Variants in SNED1 observed in about 807,000 individuals in gnomAD.
SNED1 encodes sushi, nidogen and EGF like domains 1, also known as sushi, nidogen and EGF-like domain-containing protein 1.
A neutral mutation model predicts 166.7 loss-of-function variants in SNED1; 81 were observed. The observed-to-expected ratio is 0.49, with a 90% CI of 0.41 to 0.58. The LOEUF is 0.58. SNED1 is among the 20% of genes least tolerant of loss of function. SNED1 has a pLI of 0.00. For synonymous variants in SNED1, 762 were observed against 822.0 expected, an observed-to-expected ratio of 0.93 and a Z score of 1.25; for missense variants, 1,604 against 2,000.2, an observed-to-expected ratio of 0.80 and a Z score of 3.78.
intron 1 of SNED1, among the ~76,000 whole-genome samples, chr2:241,000,060 C>G (rs1164773874): frequency 1.3e-5 from 2 of 152,144 alleles, no homozygotes; most frequent in Non-Finnish European, 2.9e-5. Context: ...GTAACACCAC[C>G]TGTACTGCCA....
At chr2:241,030,099 G>C (rs1261864131) in intron 1 of SNED1, among the ~76,000 whole-genome samples, 185 bp from the exon 2 acceptor site, 1 of 152,214 alleles carries the variant, frequency 6.6e-6, no homozygotes, top group Non-Finnish European at 1.5e-5. Flanking sequence ...TGACAGGAGG[G>C]GGTGGAGCAG....
upstream of SNED1, among the ~76,000 whole-genome samples, chr2:240,997,677 G>A (rs182628932): frequency 4.7e-4 from 72 of 152,286 alleles, no homozygotes; most frequent in Admixed American, 2.7e-3. Context: ...CCATCAGCCC[G>A]GCCTTTCCTG....
chr2:241,026,447 T>C (rs2060973098), intron 1 of SNED1, among the ~76,000 whole-genome samples: 1 of 152,212 alleles, frequency 6.6e-6, no homozygotes, highest in African/African-American at 2.4e-5. Flanking sequence ...GTTGTGCATT[T>C]GTTTGGTCAT....
At chr2:241,085,860 C>CTTTTTTTTTTTT (rs772995766) in intron 29 of SNED1, among the ~76,000 whole-genome samples, 4 of 79,190 alleles carry the variant, frequency 5.1e-5, no homozygotes, top group Non-Finnish European at 4.8e-5. Context: ...TCTGCGGTTT[C>CTTTTTTTTTTTT]TTTTTTTTTT....
chr2:241,048,276 T>A, intron 8 of SNED1, 39 bp from the exon 9 acceptor site: 9 of 1,557,612 alleles, frequency 5.8e-6, no homozygotes, highest in South Asian at 1.2e-5. Flanking sequence ...CTCCCCACAT[T>A]CCCTGCGTGG....
At chr2:241,084,555 C>A (rs1252530599) in intron 29 of SNED1, among the ~76,000 whole-genome samples, 1 of 152,342 alleles carries the variant, frequency 6.6e-6, no homozygotes, top group East Asian at 1.9e-4. Context: ...TGACATCAAG[C>A]TTCCACTTCC....
chr2:241,087,170 T>C (rs747470025), intron 29 of SNED1: 7 of 511,668 alleles, frequency 1.4e-5, no homozygotes, highest in Middle Eastern at 3.3e-4. Context: ...AAAATGGGTT[T>C]ATTTTATGCA....
upstream of SNED1, among the ~76,000 whole-genome samples, chr2:240,998,561 G>GCCCCCC (rs536877002): frequency 6.6e-6 from 1 of 151,718 alleles, no homozygotes; most frequent in African/African-American, 2.4e-5. Context: ...GCATGGCCCC[G>GCCCCCC]CCCCCCCGAG....
intron 27 of SNED1, among the ~76,000 whole-genome samples, chr2:241,077,058 G>A (rs933809068): frequency 1.3e-5 from 2 of 148,638 alleles, no homozygotes; most frequent in East Asian, 2.0e-4. Context: ...CAGCCTGGGC[G>A]ACAGAGCGAG....
intron 1 of SNED1, among the ~76,000 whole-genome samples, chr2:241,017,499 C>T (rs2124878575): frequency 6.6e-6 from 1 of 152,394 alleles, no homozygotes; most frequent in South Asian, 2.1e-4. Context: ...TCTCTGCAAA[C>T]ACAACCCTAA....
chr2:241,021,709 A>G (rs1026691450), intron 1 of SNED1, among the ~76,000 whole-genome samples: 11 of 152,230 alleles, frequency 7.2e-5, no homozygotes, highest in African/African-American at 2.4e-4. Flanking sequence ...TTTTTTGGCT[A>G]TTATGAATAA....
rs1048997739 is a variant in SNED1 at position 241,053,536 on chromosome 2, C to T, written c.2257+210C>T. Among the ~76,000 whole-genome samples, 20 of 152,346 alleles carry T rather than the reference C, an allele frequency of 1.3e-4. No homozygotes were observed. In the South Asian group the frequency reaches 4.1e-3, roughly 32 times the overall value. ...AGTCAACTTTGCTCTGGGGCATTCA[C>T]TAAAGGCTTCCCCATCCTCAGAGCA... is the stretch of plus-strand genomic sequence containing the variant. On this transcript the variant is annotated intron_variant, in intron 16 of 31. Transcript: ENST00000310397.
chr2:241,077,032 T>C (rs1332161996), intron 27 of SNED1, among the ~76,000 whole-genome samples: 2 of 151,668 alleles, frequency 1.3e-5, no homozygotes, highest in Admixed American at 6.6e-5. Flanking sequence ...TGAGCTGAGA[T>C]TGCGCCACTG....
At chr2:241,026,500 C>G (rs938334630) in intron 1 of SNED1, among the ~76,000 whole-genome samples, 1 of 152,144 alleles carries the variant, frequency 6.6e-6, no homozygotes, top group Non-Finnish European at 1.5e-5. Flanking sequence ...TCTGTATTCT[C>G]CATCTTTTTG....
rs540366780 is a variant in SNED1, at chr2:241,062,971, G to T, written c.2371+67G>T. 2.9e-4 allele frequency: 307 copies of T among 1,048,648 alleles called. 9 individuals carry two copies. In the South Asian group the frequency reaches 3.3e-3, roughly 11 times the overall value. 65.0% of individuals were successfully genotyped at this position (1,048,648 alleles called of 1,614,324 possible). A position where few individuals can be genotyped will look rare whatever the true frequency, so the allele number is the denominator to read the frequency against. On this transcript the variant is annotated intron_variant, in intron 17 of 31. Coordinates refer to ENST00000310397, the MANE Select transcript of SNED1 (RefSeq NM_001080437.3). Reference sequence around the variant, plus strand: ...CACTGGCCATGTGCCTGAGGCACTGGGTCCCCCGGACAGGTCTCTGTCTGG... The same window carrying T: ...CACTGGCCATGTGCCTGAGGCACTGTGTCCCCCGGACAGGTCTCTGTCTGG...
Position 241,030,398 on chromosome 2 carries a change from A to G in SNED1, c.328A>G (p.Asn110Asp). Residue 110 changes from asparagine to aspartate, a missense_variant, in exon 2 of 32, where the codon AAC (asparagine) becomes GAC (aspartate). Asn to Asp is a conservative substitution (Grantham distance 23). This residue lies in a region of SNED1 where 1,237 missense variants were observed against 1,620.8 expected (regional missense o/e 0.76). Coordinates refer to ENST00000310397, the MANE Select transcript of SNED1 (RefSeq NM_001080437.3). ...VVAAFWADVD[N>D]RRAGDVYYRE... is the part of the protein sequence containing the mutation. ...GGCAGCCTTCTGGGCAGATGTGGAC[A>G]ACCGGCGTGCAGGCGACGTGTACTA... 1 of 1,613,104 alleles carries G rather than the reference A, an allele frequency of 6.2e-7. No homozygotes were observed.
At chr2:241,022,944 TTC>T (rs1477754694) in intron 1 of SNED1, among the ~76,000 whole-genome samples, 9 of 152,214 alleles carry the variant, frequency 5.9e-5, no homozygotes, top group African/African-American at 1.9e-4. Context: ...AATTTGTGCC[TTC>T]TCTTTCTTAC....
chr2:241,060,532 T>C (rs545557935), intron 16 of SNED1, among the ~76,000 whole-genome samples: 1 of 152,272 alleles, frequency 6.6e-6, no homozygotes, highest in Admixed American at 6.5e-5. Flanking sequence ...TGAGAAAATA[T>C]TCATGAGAGC....
rs1174837423 is a variant in SNED1 at position 240,999,349 on chromosome 2, G to A, written c.213+299G>A. ...CGTCTTCCCGGCGCCTGATTCCCAG[G>A]GGAGAGCAGGGGTCCTGGTACTGCC... On this transcript the variant is annotated intron_variant, in intron 1 of 31. Transcript: ENST00000310397. The surrounding 1 kb of genome is among the most constrained non-coding windows in gnomAD (Gnocchi z 5.8). Among the ~76,000 whole-genome samples the A allele has an allele frequency of 1.3e-5, 2 of 152,062 alleles. No homozygotes were observed. Among genetic ancestry groups the A allele is most frequent in the Non-Finnish European group, 2.9e-5 (2 of 67,974 alleles).
Sources: allele counts gnomAD v4.1 joint callset (sites outside exome capture counted in the v4.1 genomes callset), GRCh38; gene constraint gnomAD v4.1.1; regional missense constraint gnomAD v4.1.1; non-coding constraint Gnocchi (gnomAD v3.1); transcripts MANE v1.5; gene names NCBI Gene and HGNC (gene_info 2026-07-23, HGNC 2026-07-21).